Variants in UNC5C observed in about 807,000 individuals in gnomAD.
UNC5C encodes netrin receptor UNC5C.
A neutral mutation model predicts 99.8 loss-of-function variants in UNC5C; 47 were observed. The observed-to-expected ratio is 0.47, with a 90% CI of 0.37 to 0.60. The LOEUF is 0.60. UNC5C is among the 20% of genes least tolerant of loss of function. The probability of loss-of-function intolerance (pLI) is 0.00; values close to 1 mark genes in which losing one functional copy is unlikely to be tolerated. For missense variants in UNC5C, 1,062 were observed against 1,165.9 expected (o/e 0.91, Z 1.30); for synonymous variants, 487 against 452.2 (o/e 1.08, Z -0.98).
intron 12 of UNC5C, among the ~76,000 whole-genome samples, chr4:95,197,661 C>A (rs1268003013): frequency 6.6e-6 from 1 of 151,998 alleles, no homozygotes; most frequent in African/African-American, 2.4e-5. Flanking sequence ...GGAAGAACTG[C>A]CGTGGGAATC....
Position 95,230,659 on chromosome 4 carries a change from A to G in UNC5C, c.1109-10483T>C, listed in dbSNP as rs113867435. On this transcript the variant is annotated intron_variant, in intron 7 of 15. Coordinates refer to ENST00000453304, the MANE Select transcript of UNC5C (RefSeq NM_003728.4). ...GGGGTCCAGTTTTAGTTTTCTGCAT[A>G]TGGCCAGTTTTCCCAACACCATTCA... 5.0e-3 allele frequency among the ~76,000 whole-genome samples: 767 copies of G among 152,034 alleles called. 8 individuals are homozygous for G. The highest frequency in any genetic ancestry group is 0.016 in the African/African-American group (664 of 41,426).
chr4:95,270,522 G>A (rs1016424077), intron 4 of UNC5C, among the ~76,000 whole-genome samples: 1 of 152,188 alleles, frequency 6.6e-6, no homozygotes, highest in Non-Finnish European at 1.5e-5. Context: ...CCAAGAAAGG[G>A]AATTTGTTTT....
intron 3 of UNC5C, among the ~76,000 whole-genome samples, chr4:95,284,378 A>G (rs771030848): frequency 6.6e-6 from 1 of 152,152 alleles, no homozygotes; most frequent in African/African-American, 2.4e-5. Context: ...TTAAATACAC[A>G]TTTTAGGGGG....
chr4:95,422,508 C>T (rs1746351119), intron 1 of UNC5C, among the ~76,000 whole-genome samples: 2 of 152,046 alleles, frequency 1.3e-5, no homozygotes, highest in South Asian at 4.1e-4. Context: ...ATGCTCTCTT[C>T]CCCACCTCCC....
intron 1 of UNC5C, among the ~76,000 whole-genome samples, chr4:95,491,657 A>G (rs1184323977): frequency 6.6e-6 from 1 of 151,656 alleles, no homozygotes; most frequent in Non-Finnish European, 1.5e-5. Flanking sequence ...CAGAAATCAG[A>G]TGAGACAATG....
intron 1 of UNC5C, among the ~76,000 whole-genome samples, chr4:95,378,883 C>T (rs574763667): frequency 1.3e-5 from 2 of 152,180 alleles, no homozygotes; most frequent in East Asian, 3.9e-4. Context: ...AGAAAAAACA[C>T]CAAGTCTTCT....
intron 10 of UNC5C, among the ~76,000 whole-genome samples, chr4:95,209,091 G>T (rs1430346863): frequency 6.6e-6 from 1 of 152,146 alleles, no homozygotes; most frequent in African/African-American, 2.4e-5. Flanking sequence ...AAAGACTCAG[G>T]TTCCCTAAGC....
At chr4:95,388,027 C>A (rs1371153860) in intron 1 of UNC5C, among the ~76,000 whole-genome samples, 1 of 152,088 alleles carries the variant, frequency 6.6e-6, no homozygotes, top group Non-Finnish European at 1.5e-5. Context: ...TGAAAACTAC[C>A]TAGCAGAGAT....
intron 1 of UNC5C, among the ~76,000 whole-genome samples, chr4:95,476,959 T>A (rs1212766112): frequency 6.6e-6 from 1 of 152,058 alleles, no homozygotes; most frequent in Non-Finnish European, 1.5e-5. Context: ...CCAAATTCAT[T>A]CATTTGGACA....
intron 1 of UNC5C, among the ~76,000 whole-genome samples, chr4:95,438,983 G>T (rs1009777700): frequency 6.6e-6 from 1 of 152,088 alleles, no homozygotes; most frequent in Non-Finnish European, 1.5e-5. Flanking sequence ...AATGCTAAGG[G>T]TCTTTCCTTC....
intron 14 of UNC5C, among the ~76,000 whole-genome samples, chr4:95,175,057 G>C (rs1023846203): frequency 1.3e-5 from 2 of 151,918 alleles, no homozygotes; most frequent in East Asian, 1.9e-4. Flanking sequence ...CAGAGACTAG[G>C]ATTGCAACCC....
rs769964307 is a variant in UNC5C, at chr4:95,548,877, G to GGGGGA, written c.-25_-21dup. 10 of 1,611,824 alleles carry GGGGGA rather than the reference G, an allele frequency of 6.2e-6. No individual in the cohort carries two copies. The South Asian group carries it at 9.9e-5, about 16-fold the overall frequency. ...CCTCATCGTAGACAGAGGTGTGCCG[G>GGGGGA]GGGGAGGGGAGGGGGACAGAGAGAC... On this transcript the variant is annotated 5_prime_UTR_variant, in exon 1 of 16. Coordinates refer to ENST00000453304, the MANE Select transcript of UNC5C (RefSeq NM_003728.4).
rs573117693 is a variant in UNC5C, at chr4:95,340,954, T to A, written c.125-5323A>T. ...AATTTAATAAATGCAATGTGATGTTTTTTGCAAAAGAAAATTTTTGCTTAC... is the reference window on the plus strand; with the variant it reads ...AATTTAATAAATGCAATGTGATGTTATTTGCAAAAGAAAATTTTTGCTTAC... On this transcript the variant is annotated intron_variant, in intron 1 of 15. Coordinates refer to ENST00000453304, the MANE Select transcript of UNC5C (RefSeq NM_003728.4). Among the ~76,000 whole-genome samples, 12 of 152,242 alleles carry A rather than the reference T, an allele frequency of 7.9e-5. No homozygotes were observed. In the South Asian group the frequency reaches 1.5e-3, roughly 18 times the overall value.
intron 14 of UNC5C, among the ~76,000 whole-genome samples, chr4:95,176,910 A>G (rs573548473): frequency 6.6e-6 from 1 of 151,840 alleles, no homozygotes; most frequent in Non-Finnish European, 1.5e-5. Flanking sequence ...TGGGCGTAGG[A>G]CCCTCCGAGC....
intron 1 of UNC5C, among the ~76,000 whole-genome samples, chr4:95,413,292 G>A (rs555411287): frequency 6.6e-5 from 10 of 152,226 alleles, no homozygotes; most frequent in East Asian, 5.8e-4. Context: ...TAAATGCAAC[G>A]CAAGCAGGAT....
At chr4:95,243,577 CT>C in intron 6 of UNC5C, among the ~76,000 whole-genome samples, 1 of 152,120 alleles carries the variant, frequency 6.6e-6, no homozygotes, top group Admixed American at 6.6e-5. Context: ...ACACCTTAAC[CT>C]TTTATATCTA....
chr4:95,529,510 G>A (rs116446368), intron 1 of UNC5C, among the ~76,000 whole-genome samples: 1 of 151,744 alleles, frequency 6.6e-6, no homozygotes, highest in Admixed American at 6.6e-5. Flanking sequence ...TACACTGCTT[G>A]AGACCAGGAG....
chr4:95,541,301 A>G (rs1249005714), intron 1 of UNC5C, among the ~76,000 whole-genome samples: 1 of 152,146 alleles, frequency 6.6e-6, no homozygotes, highest in Admixed American at 6.5e-5. Flanking sequence ...TCCTTCATCC[A>G]ATGTACCCAT....
intron 4 of UNC5C, among the ~76,000 whole-genome samples, chr4:95,259,315 T>C (rs1740132849): frequency 6.6e-6 from 1 of 152,214 alleles, no homozygotes; most frequent in South Asian, 2.1e-4. Flanking sequence ...AGTTAAGTAT[T>C]TGAAAATAAT....
Sources: allele counts gnomAD v4.1 joint callset (sites outside exome capture counted in the v4.1 genomes callset), GRCh38; gene constraint gnomAD v4.1.1; transcripts MANE v1.5; gene names NCBI Gene and HGNC (gene_info 2026-07-23, HGNC 2026-07-21).